Variants in KIAA0753 observed in about 807,000 individuals in gnomAD.
KIAA0753 encodes protein moonraker.
KIAA0753 carries 114 observed loss-of-function variants against 116.9 expected under a neutral mutation model. The ratio of observed to expected loss-of-function variants is 0.98; its 90% CI spans 0.84 to 1.14. KIAA0753 has a LOEUF of 1.14. Among genes scored for constraint, KIAA0753 ranks in the 50% most tolerant of loss-of-function variants. The pLI is 0.00. For synonymous variants in KIAA0753, 405 were observed against 413.1 expected, an observed-to-expected ratio of 0.98 and a Z score of 0.24; for missense variants, 1,156 against 1,172.4, an observed-to-expected ratio of 0.99 and a Z score of 0.20.
chr17:6,596,599 T>G (rs114761440), intron 14 of KIAA0753, among the ~76,000 whole-genome samples: 470 of 152,354 alleles, frequency 3.1e-3, no homozygotes, highest in African/African-American at 0.01. Context: ...TTATTGTCCA[T>G]GCAAATTATC....
At chr17:6,632,061 T>G (rs1972050797) in intron 2 of KIAA0753, among the ~76,000 whole-genome samples, 1 of 151,928 alleles carries the variant, frequency 6.6e-6, no homozygotes, top group Non-Finnish European at 1.5e-5. Flanking sequence ...TTTTTTGTAT[T>G]TTTTAGCAGA....
chr17:6,638,144 G>A (rs1221831764), intron 1 of KIAA0753: 1 of 151,808 alleles, frequency 6.6e-6, no homozygotes, highest in Non-Finnish European at 1.5e-5. Flanking sequence ...AGCTTCTCCC[G>A]AGCCACGTGT....
At chr17:6,623,720 G>A in intron 4 of KIAA0753, 149 bp from the exon 5 acceptor site, 3 of 1,158,012 alleles carry the variant, frequency 2.6e-6, no homozygotes, top group Non-Finnish European at 3.4e-6. Flanking sequence ...CTTCATTCAT[G>A]CACCCAAAAA....
rs1954939278 is a variant in KIAA0753 at position 6,606,889 on chromosome 17, T to C, written c.1993A>G (p.Arg665Gly). The change falls in exon 12 of 19, where the codon AGA becomes GGA. Residue 665 changes from arginine (R) to glycine (G), a missense_variant. Arg to Gly is a moderately radical substitution (Grantham distance 125, BLOSUM62 -2). Coordinates refer to ENST00000361413, the MANE Select transcript of KIAA0753 (RefSeq NM_014804.3). The part of the protein sequence containing the change: ...LNELKAEEMY[R>G]LQQLSVSATH... ...AACACATACCTCAATTGTTGGAGTC[T>C]ATACATTTCTTCAGCTTTGAGCTCA... 3.1e-6 allele frequency: 5 copies of C among 1,613,696 alleles called. No individual in the cohort carries two copies. Among genetic ancestry groups the C allele is most frequent in the South Asian group, 2.2e-5 (2 of 91,080 alleles).
rs187727320 is a variant in KIAA0753 at position 6,590,662 on chromosome 17, A to T, written c.2441-32T>A. 10 of 1,611,670 alleles carry T rather than the reference A, an allele frequency of 6.2e-6. No individual in the cohort carries two copies. In the Admixed American group the frequency reaches 1.7e-4, roughly 27 times the overall value. On this transcript the variant is annotated intron_variant, in intron 16 of 18. Transcript: ENST00000361413. ...AAGGAGGGTCATAAAATGACTGCAT[A>T]TAAAGAACAGTTGGTGTCCATTTTA... is the stretch of plus-strand genomic sequence containing the variant.
intron 9 of KIAA0753, among the ~76,000 whole-genome samples, chr17:6,609,677 C>T (rs571439210): frequency 6.6e-6 from 1 of 152,216 alleles, no homozygotes; most frequent in South Asian, 2.1e-4. Flanking sequence ...AGACACAGTC[C>T]CTGGCCTCAA....
Position 6,589,809 on chromosome 17 carries a change from C to A in KIAA0753, c.2756G>T (p.Gly919Val), listed in dbSNP as rs1323547942. 6.2e-7 allele frequency: 1 copy of A among 1,613,274 alleles called. No individual in the cohort carries two copies. The highest frequency in any genetic ancestry group is 8.5e-7 in the Non-Finnish European group (1 of 1,179,730). ...YLRIISHEAV[G>V]SFNPWLIAES... ...AGCTATCAGCCACGGGTTGAAGGAGCCTACAGCCTCATGAGATATGATCCG... is the reference window on the plus strand; with the variant it reads ...AGCTATCAGCCACGGGTTGAAGGAGACTACAGCCTCATGAGATATGATCCG... The change falls in exon 18 of 19, where the codon GGC becomes GTC. Residue 919 changes from glycine (G) to valine (V), a missense_variant. Physicochemically the swap from Gly to Val is moderately radical, Grantham distance 109. Transcript: ENST00000361413.
intron 2 of KIAA0753, among the ~76,000 whole-genome samples, chr17:6,630,786 T>C (rs1971977864): frequency 6.6e-6 from 1 of 152,212 alleles, no homozygotes; most frequent in Non-Finnish European, 1.5e-5. Context: ...TATGAATTAA[T>C]GTGGAGAGAT....
rs1972233391 is a variant in KIAA0753, at chr17:6,635,089, C to T, written c.15G>A (p.Gln5=). 6.2e-7 allele frequency: 1 copy of T among 1,613,600 alleles called. No individual in the cohort carries two copies. Among genetic ancestry groups the T allele is most frequent in the South Asian group, 1.1e-5 (1 of 91,070 alleles). MGPG[Q]PASTCVHLAP... is the part of the protein sequence containing the mutation. ...CTAGATGAACACAGGTTGAAGCTGG[C>T]TGGCCTGGTCCCATAATGTCAGGTA... The change falls in exon 2 of 19, where the codon CAG becomes CAA. Residue 5 remains glutamine (Q), a synonymous_variant. Coordinates refer to ENST00000361413, the MANE Select transcript of KIAA0753 (RefSeq NM_014804.3).
intron 15 of KIAA0753, 43 bp from the exon 16 acceptor site, chr17:6,595,096 A>G (rs1275533614): frequency 5.8e-6 from 8 of 1,383,396 alleles, no homozygotes; most frequent in East Asian, 2.3e-5. Context: ...AGAAAAAATG[A>G]GTTTAATTAC....
rs1971841539 is a variant in KIAA0753, at chr17:6,628,729, A to G, written c.106T>C (p.Phe36Leu). 6.3e-7 allele frequency: 1 copy of G among 1,589,848 alleles called. No homozygotes were observed. Among genetic ancestry groups the G allele is most frequent in the South Asian group, 1.1e-5 (1 of 87,306 alleles). Reference protein sequence around the residue: ...KVLQTQNQLQFNRNVPTHSSN... With the variant: ...KVLQTQNQLQLNRNVPTHSSN... ...GAATGTGTAGGAACATTCCTATTAA[A>G]CTGCAGCTGGTTCTTTAAAAAGCAA... Residue 36 changes from phenylalanine to leucine, a missense_variant, in exon 3 of 19, where the codon TTT (phenylalanine) becomes CTT (leucine). Coordinates refer to ENST00000361413, the MANE Select transcript of KIAA0753 (RefSeq NM_014804.3).
In KIAA0753 at chr17:6,628,706, A is replaced by T; in HGVS notation, c.129T>A (p.His43Gln). ...QLQFNRNVPT[H>Q]SSNLAIRYSC... ...AATATCGGATCGCCAAGTTGCTTGA[A>T]TGTGTAGGAACATTCCTATTAAACT... The change falls in exon 3 of 19, where the codon CAT becomes CAA. Residue 43 changes from histidine to glutamine, a missense_variant. Transcript: ENST00000361413. 1 of 1,612,774 alleles carries T rather than the reference A, an allele frequency of 6.2e-7. No homozygotes were observed. The highest frequency in any genetic ancestry group is 1.3e-5 in the African/African-American group (1 of 75,012).
In KIAA0753 at chr17:6,623,066, T is replaced by G; in HGVS notation, c.920A>C (p.His307Pro). Residue 307 changes from histidine to proline, a missense_variant, in exon 6 of 19, where the codon CAT (histidine) becomes CCT (proline). Transcript: ENST00000361413. ...CTGTAAGGCCCGAATGGCTCCTCGA[T>G]GGGCAGCCGCCAGCTTAGACATTGC... ...SWAMSKLAAAHRGAIRALQMF... is the reference protein window; with the variant it reads ...SWAMSKLAAAPRGAIRALQMF... 6.2e-7 allele frequency: 1 copy of G among 1,613,816 alleles called. No individual in the cohort carries two copies. The highest frequency in any genetic ancestry group is 1.3e-5 in the African/African-American group (1 of 75,034).
At chr17:6,599,548 T>C (rs1270742667) in intron 13 of KIAA0753, among the ~76,000 whole-genome samples, 3 of 152,246 alleles carry the variant, frequency 2.0e-5, no homozygotes, top group Non-Finnish European at 4.4e-5. Context: ...ATTGTCAGAA[T>C]AGCTGCATGC....
At chr17:6,605,361 CCGAAGTCCAGT>C in intron 12 of KIAA0753, among the ~76,000 whole-genome samples, 1 of 152,290 alleles carries the variant, frequency 6.6e-6, no homozygotes, top group East Asian at 1.9e-4. Flanking sequence ...AGGCTTCCTC[CCGAAGTCCAGT>C]GGACCTGGCT....
intron 16 of KIAA0753, among the ~76,000 whole-genome samples, chr17:6,592,707 T>C (rs113550414): frequency 1.3e-5 from 2 of 152,210 alleles, no homozygotes; most frequent in African/African-American, 4.8e-5. Flanking sequence ...ACTAAAACCA[T>C]AAAGCCTATA....
chr17:6,588,588 G>A (rs977902324), intron 18 of KIAA0753, among the ~76,000 whole-genome samples: 5 of 152,056 alleles, frequency 3.3e-5, no homozygotes, highest in African/African-American at 9.7e-5. Flanking sequence ...TACTGCGTAC[G>A]TAAAGTTAAC....
chr17:6,610,222 T>C, intron 8 of KIAA0753, 62 bp from the exon 9 acceptor site: 2 of 1,539,366 alleles, frequency 1.3e-6, no homozygotes, highest in Non-Finnish European at 8.9e-7. Context: ...TGGTTTAACC[T>C]CTGACTCACT....
rs1325581145 is a variant in KIAA0753, at chr17:6,628,642, A to C, written c.193T>G (p.Ser65Ala). ...HAIRIEKLKH[S>A]YNESYHCKDA... ...TTACAATGGTATGATTCATTGTATG[A>C]GTGCTTCAGTTTTTCAATTCTAATG... is the stretch of plus-strand genomic sequence containing the variant. Residue 65 changes from serine to alanine, a missense_variant, in exon 3 of 19, where the codon TCA becomes GCA. Ser to Ala is a moderately conservative substitution (Grantham distance 99, BLOSUM62 1). Coordinates refer to ENST00000361413, the MANE Select transcript of KIAA0753 (RefSeq NM_014804.3). 14 of 1,613,988 alleles carry C rather than the reference A, an allele frequency of 8.7e-6. No individual in the cohort carries two copies. Among genetic ancestry groups the C allele is most frequent in the Non-Finnish European group, 1.2e-5 (14 of 1,179,972 alleles).
Sources: gnomAD v4.1 joint callset for allele counts (sites outside exome capture counted in the v4.1 genomes callset) on GRCh38, gnomAD v4.1.1 for gene constraint, MANE v1.5 for transcripts, NCBI Gene and HGNC (gene_info 2026-07-23, HGNC 2026-07-21) for gene names.